Variants in ARK2C observed in about 807,000 individuals in gnomAD.
ARK2C encodes the protein E3 ubiquitin-protein ligase ARK2C.
chr18:46,382,958 C>A, the ARK2C span, among the ~76,000 whole-genome samples: 8 of 152,378 alleles, frequency 5.3e-5, no homozygotes, highest in Admixed American at 5.2e-4. Flanking sequence ...ACGTCATACT[C>A]TTCTTGGCAT....
the ARK2C span, among the ~76,000 whole-genome samples, chr18:46,422,767 C>G: frequency 1.3e-5 from 2 of 152,218 alleles, no homozygotes; most frequent in Non-Finnish European, 2.9e-5. Flanking sequence ...CACCCCCGCC[C>G]TTTGCTGGTG....
the ARK2C span, among the ~76,000 whole-genome samples, chr18:46,378,611 G>C: frequency 6.6e-6 from 1 of 152,210 alleles, no homozygotes; most frequent in Admixed American, 6.5e-5. Context: ...CCAGCAGGCA[G>C]GGCCACTGTT....
At chr18:46,364,542 C>T in the ARK2C span, among the ~76,000 whole-genome samples, 1 of 152,160 alleles carries the variant, frequency 6.6e-6, no homozygotes, top group Non-Finnish European at 1.5e-5. Context: ...TTTCAGGCCA[C>T]CTCCCCTCTA....
the ARK2C span, among the ~76,000 whole-genome samples, chr18:46,417,821 T>A: frequency 3.3e-5 from 5 of 152,046 alleles, no homozygotes; most frequent in Non-Finnish European, 5.9e-5. Context: ...CTGGCCAACA[T>A]GGTGAAACCC....
At chr18:46,456,104 C>T in the ARK2C span, 2 of 1,362,198 alleles carry the variant, frequency 1.5e-6, no homozygotes, top group Non-Finnish European at 2.1e-6. Flanking sequence ...ATTTTGATTC[C>T]CTCTCCCCTC....
chr18:46,448,017 G>T, the ARK2C span, among the ~76,000 whole-genome samples: 1 of 150,410 alleles, frequency 6.6e-6, no homozygotes, highest in Non-Finnish European at 1.5e-5. Context: ...CCTGTGCCCC[G>T]GCTTCCATAT....
the ARK2C span, among the ~76,000 whole-genome samples, chr18:46,381,315 T>C: frequency 0.87 from 132,473 of 152,220 alleles, 58,376 homozygotes; most frequent in Non-Finnish European, 0.91. Context: ...AGAGCAGGTT[T>C]AGCCGCAAGA....
the ARK2C span, among the ~76,000 whole-genome samples, chr18:46,382,978 C>T: frequency 1.3e-5 from 2 of 152,226 alleles, no homozygotes; most frequent in Non-Finnish European, 2.9e-5. Context: ...TGTATTAATA[C>T]TCACTCCCCC....
the ARK2C span, chr18:46,336,379 C>T: frequency 8.2e-6 from 8 of 972,420 alleles, no homozygotes; most frequent in Non-Finnish European, 9.7e-6. Context: ...CCTCACCCCC[C>T]CCAACAAAAA....
the ARK2C span, among the ~76,000 whole-genome samples, chr18:46,438,468 T>C: frequency 6.6e-6 from 1 of 152,358 alleles, no homozygotes; most frequent in East Asian, 1.9e-4. Context: ...TTGGGATGAC[T>C]CTGTTCCAAG....
chr18:46,442,091 A>G, the ARK2C span, among the ~76,000 whole-genome samples: 1 of 148,722 alleles, frequency 6.7e-6, no homozygotes, highest in African/African-American at 2.5e-5. Context: ...TGAACCCGGG[A>G]GGCGGAGCTT....
At chr18:46,370,378 A>G in the ARK2C span, among the ~76,000 whole-genome samples, 1 of 152,194 alleles carries the variant, frequency 6.6e-6, no homozygotes, top group Non-Finnish European at 1.5e-5. Flanking sequence ...CAGGGAAATC[A>G]GTGTGCAGAG....
the ARK2C span, among the ~76,000 whole-genome samples, chr18:46,367,512 G>A: frequency 2.0e-5 from 3 of 152,092 alleles, no homozygotes; most frequent in African/African-American, 7.2e-5. Flanking sequence ...TTTGAGGCAG[G>A]GTAGAATTGG....
the ARK2C span, among the ~76,000 whole-genome samples, chr18:46,444,055 C>T: frequency 7.9e-5 from 12 of 151,762 alleles, no homozygotes; most frequent in Non-Finnish European, 1.0e-4. Flanking sequence ...TTTTTCCCTT[C>T]AGCAGTGCAT....
the ARK2C span, among the ~76,000 whole-genome samples, chr18:46,400,661 G>A: frequency 6.6e-6 from 1 of 152,184 alleles, no homozygotes; most frequent in Admixed American, 6.5e-5. Flanking sequence ...TCCCGGGTGT[G>A]TCAGCGTGCC....
the ARK2C span, among the ~76,000 whole-genome samples, chr18:46,341,006 G>A: frequency 6.6e-6 from 1 of 152,332 alleles, no homozygotes; most frequent in Admixed American, 6.5e-5. Context: ...AGAACAGAAA[G>A]TACGTAGCAG....
chr18:46,438,468 T>A, the ARK2C span, among the ~76,000 whole-genome samples: 1 of 152,240 alleles, frequency 6.6e-6, no homozygotes, highest in South Asian at 2.1e-4. Flanking sequence ...TTGGGATGAC[T>A]CTGTTCCAAG....
At chr18:46,374,207 C>A in the ARK2C span, among the ~76,000 whole-genome samples, 2 of 152,052 alleles carry the variant, frequency 1.3e-5, no homozygotes, top group African/African-American at 2.4e-5. Context: ...TTTTTTTCCA[C>A]CAAAATAGTT....
the ARK2C span, among the ~76,000 whole-genome samples, chr18:46,379,240 T>TG: frequency 1.3e-5 from 2 of 152,230 alleles, no homozygotes. Flanking sequence ...TAATCTCTTT[T>TG]GGGGTGCATC....
Sources: gnomAD v4.1 joint callset for allele counts (sites outside exome capture counted in the v4.1 genomes callset) on GRCh38, gnomAD v4.1.1 for gene constraint, MANE v1.5 for transcripts, NCBI Gene and HGNC (gene_info 2026-07-23, HGNC 2026-07-21) for gene names.